The following XNDC1N variants were observed in gnomAD, a reference collection of about 807,000 sequenced individuals.
The protein encoded by XNDC1N is XRCC1 N-terminal domain containing 1, N-terminal like, also known as protein XNDC1N.
chr11:71,926,241 G>T, the XNDC1N span: 1 of 152,176 alleles, frequency 6.6e-6, no homozygotes, highest in African/African-American at 2.4e-5. Flanking sequence ...TCACACTCCA[G>T]CCTGGGAGAC....
At chr11:71,883,457 C>T in the XNDC1N span, among the ~76,000 whole-genome samples, 1 of 152,114 alleles carries the variant, frequency 6.6e-6, no homozygotes, top group Non-Finnish European at 1.5e-5. Flanking sequence ...GTCAACTGGC[C>T]TTCAACAAAC....
At chr11:71,885,697 C>G in the XNDC1N span, among the ~76,000 whole-genome samples, 3 of 151,938 alleles carry the variant, frequency 2.0e-5, no homozygotes, top group African/African-American at 7.3e-5. Context: ...AATTATACCT[C>G]ATTTATTATT....
At chr11:71,901,251 G>A in the XNDC1N span, among the ~76,000 whole-genome samples, 45 of 152,110 alleles carry the variant, frequency 3.0e-4, no homozygotes, top group Admixed American at 1.4e-3. Flanking sequence ...GCTGGAAAGC[G>A]TTTCAAAAAT....
chr11:71,921,587 C>T, the XNDC1N span, among the ~76,000 whole-genome samples: 2 of 152,106 alleles, frequency 1.3e-5, no homozygotes, highest in Non-Finnish European at 2.9e-5. Flanking sequence ...TGTCTTCATC[C>T]ATAAGTAAAA....
At chr11:71,893,506 C>T in the XNDC1N span, 2 of 777,990 alleles carry the variant, frequency 2.6e-6, no homozygotes, top group Non-Finnish European at 4.7e-6. Context: ...ATTCCTCCTC[C>T]TGGGACTCTC....
the XNDC1N span, chr11:71,917,687 T>A: frequency 1.4e-6 from 1 of 703,202 alleles, no homozygotes; most frequent in Admixed American, 2.0e-5. Context: ...GACATTAGCG[T>A]GGTTGCAGGG....
At chr11:71,875,276 ATAAG>A in the XNDC1N span, among the ~76,000 whole-genome samples, 1 of 142,536 alleles carries the variant, frequency 7.0e-6, no homozygotes, top group African/African-American at 3.0e-5. Flanking sequence ...AATCACAAGA[ATAAG>A]AGAGAGAGAA....
At chr11:71,915,278 C>T in the XNDC1N span, among the ~76,000 whole-genome samples, 1 of 151,990 alleles carries the variant, frequency 6.6e-6, no homozygotes, top group Non-Finnish European at 1.5e-5. Flanking sequence ...GAAACCCTGT[C>T]TCTACTAAAA....
chr11:71,926,825 C>T, the XNDC1N span, among the ~76,000 whole-genome samples: 56 of 151,416 alleles, frequency 3.7e-4, no homozygotes, highest in African/African-American at 1.2e-3. Context: ...CACTTGAACC[C>T]GGGAGGCAAA....
chr11:71,890,799 C>G, the XNDC1N span, among the ~76,000 whole-genome samples: 1 of 152,026 alleles, frequency 6.6e-6, no homozygotes, highest in African/African-American at 2.4e-5. Flanking sequence ...TCCTCTTCCC[C>G]CCTGGATATT....
chr11:71,895,671 AT>A, the XNDC1N span, among the ~76,000 whole-genome samples: 1 of 152,332 alleles, frequency 6.6e-6, no homozygotes, highest in Admixed American at 6.5e-5. Context: ...TTCTACATTT[AT>A]ACACACATTG....
the XNDC1N span, chr11:71,918,899 C>A: frequency 1.4e-6 from 1 of 702,786 alleles, no homozygotes; most frequent in Non-Finnish European, 2.6e-6. Flanking sequence ...ATCAATGTAG[C>A]CAGTGGGCAC....
the XNDC1N span, among the ~76,000 whole-genome samples, chr11:71,883,868 G>C: frequency 9.9e-5 from 15 of 152,070 alleles, no homozygotes; most frequent in African/African-American, 3.6e-4. Context: ...AACTCCTTCT[G>C]ACCCCTTCTC....
chr11:71,883,566 C>G, the XNDC1N span, among the ~76,000 whole-genome samples: 6 of 152,170 alleles, frequency 3.9e-5, no homozygotes, highest in Non-Finnish European at 8.8e-5. Flanking sequence ...GGGCCTGTAT[C>G]TTACACTACA....
the XNDC1N span, among the ~76,000 whole-genome samples, chr11:71,872,719 C>G: frequency 6.6e-6 from 1 of 152,220 alleles, no homozygotes; most frequent in East Asian, 1.9e-4. Flanking sequence ...CAGAGCAAGA[C>G]TCCGTCTCAA....
At chr11:71,871,169 A>G in the XNDC1N span, among the ~76,000 whole-genome samples, 1 of 152,224 alleles carries the variant, frequency 6.6e-6, no homozygotes, top group African/African-American at 2.4e-5. Flanking sequence ...AAAATATAGT[A>G]TATATACACA....
the XNDC1N span, among the ~76,000 whole-genome samples, chr11:71,868,854 G>T: frequency 6.6e-6 from 1 of 152,132 alleles, no homozygotes; most frequent in Non-Finnish European, 1.5e-5. Flanking sequence ...TTTTATGGAA[G>T]ATATCCTCAA....
chr11:71,916,673 AT>A, the XNDC1N span: 1 of 175,380 alleles, frequency 5.7e-6, no homozygotes, highest in African/African-American at 2.4e-5. Context: ...TGCTCACGGT[AT>A]CACATTCCGA....
the XNDC1N span, among the ~76,000 whole-genome samples, chr11:71,910,916 T>A: frequency 6.6e-6 from 1 of 152,176 alleles, no homozygotes; most frequent in Non-Finnish European, 1.5e-5. Context: ...AAGGCTTTCA[T>A]GAGTTAAAGG....
Sources: gnomAD v4.1 joint callset for allele counts (sites outside exome capture counted in the v4.1 genomes callset) on GRCh38, gnomAD v4.1.1 for gene constraint, MANE v1.5 for transcripts, NCBI Gene and HGNC (gene_info 2026-07-23, HGNC 2026-07-21) for gene names.